The following MCPH1 variants were observed in gnomAD, a reference collection of about 807,000 sequenced individuals.
MCPH1 encodes microcephalin 1, also known as microcephalin.
MCPH1 carries 104 observed loss-of-function variants against 84.5 expected under a neutral mutation model. The observed-to-expected ratio is 1.23, with a 90% confidence interval of 1.05 to 1.45. The LOEUF (loss-of-function observed/expected upper bound fraction) is 1.45, where lower values mean the gene tolerates loss of function less well. Ranked by LOEUF, MCPH1 falls within the 40% of genes most tolerant of loss-of-function variation. MCPH1 has a pLI of 0.00. For synonymous variants in MCPH1, 514 were observed against 366.8 expected, an observed-to-expected ratio of 1.40 and a Z score of -4.58; for missense variants, 1,498 against 1,005.7, an observed-to-expected ratio of 1.49 and a Z score of -6.62.
intron 12 of MCPH1, among the ~76,000 whole-genome samples, chr8:6,528,919 C>G (rs137939903): frequency 2.0e-5 from 3 of 152,160 alleles, no homozygotes; most frequent in Admixed American, 1.3e-4. Flanking sequence ...CCTTGGCCAA[C>G]GTAAGGTTTT....
chr8:6,615,818 A>G (rs964298688), intron 12 of MCPH1: 3 of 152,178 alleles, frequency 2.0e-5, no homozygotes, highest in Non-Finnish European at 2.9e-5. Context: ...AGTCTATTTA[A>G]AAGAGACAGT....
At chr8:6,641,435 G>C (rs889365210) in intron 13 of MCPH1, among the ~76,000 whole-genome samples, 12 of 152,170 alleles carry the variant, frequency 7.9e-5, no homozygotes, top group African/African-American at 2.9e-4. Flanking sequence ...CTTATACATG[G>C]CAAAAGTTTG....
rs538426694 is a variant in MCPH1, at chr8:6,605,280, C to G, written c.2215-16174C>G. The stretch of plus-strand genomic sequence containing the variant: ...TCCTTCCTGAGAGCTTGTCACTGCC[C>G]TTTCTCTCCTCCCTGCCTGTACTCC... On this transcript the variant is annotated intron_variant, in intron 12 of 13. Coordinates refer to ENST00000344683, the MANE Select transcript of MCPH1 (RefSeq NM_024596.5). 5.3e-5 allele frequency among the ~76,000 whole-genome samples: 8 copies of G among 152,280 alleles called. No homozygotes were observed. In the East Asian group the frequency reaches 1.2e-3, roughly 22 times the overall value.
At chr8:6,625,402 T>C in intron 13 of MCPH1, 2 of 985,432 alleles carry the variant, frequency 2.0e-6, no homozygotes, top group South Asian at 4.7e-5. Flanking sequence ...AGACTTTTTT[T>C]CCTCCCGTTC....
chr8:6,639,824 G>C (rs1219508294), intron 13 of MCPH1, among the ~76,000 whole-genome samples: 3 of 151,950 alleles, frequency 2.0e-5, no homozygotes, highest in Admixed American at 1.3e-4. Flanking sequence ...CACATATACA[G>C]CTACTTCATT....
chr8:6,491,471 A>G (rs1383890432), intron 11 of MCPH1, among the ~76,000 whole-genome samples: 2 of 142,910 alleles, frequency 1.4e-5, no homozygotes, highest in South Asian at 2.2e-4. Context: ...TTTTTTTTCT[A>G]GTATTCTTTT....
At chr8:6,543,423 AAC>A (rs1821963354) in intron 12 of MCPH1, among the ~76,000 whole-genome samples, 1 of 152,048 alleles carries the variant, frequency 6.6e-6, no homozygotes, top group Non-Finnish European at 1.5e-5. Context: ...AATGGATGCA[AAC>A]ACACATTTCC....
At chr8:6,628,944 C>A (rs1796963218) in intron 13 of MCPH1, among the ~76,000 whole-genome samples, 1 of 152,138 alleles carries the variant, frequency 6.6e-6, no homozygotes, top group Non-Finnish European at 1.5e-5. Context: ...ACTTGTGTTT[C>A]TTTTTGTTGT....
chr8:6,418,618 C>G (rs952537984), intron 3 of MCPH1, among the ~76,000 whole-genome samples: 1 of 152,050 alleles, frequency 6.6e-6, no homozygotes, highest in Non-Finnish European at 1.5e-5. Flanking sequence ...GAGTCTCGCT[C>G]TGTCGCCAGG....
At chr8:6,437,175 A>G (rs938947615) in intron 5 of MCPH1, among the ~76,000 whole-genome samples, 1 of 152,122 alleles carries the variant, frequency 6.6e-6, no homozygotes, top group East Asian at 1.9e-4. Context: ...CTATGTTACT[A>G]TGTCACAGAT....
chr8:6,519,144 C>A (rs912690796), intron 12 of MCPH1, among the ~76,000 whole-genome samples: 1 of 152,194 alleles, frequency 6.6e-6, no homozygotes, highest in Non-Finnish European at 1.5e-5. Flanking sequence ...TGTTTCGAGT[C>A]TTCCAGACTG....
intron 11 of MCPH1, among the ~76,000 whole-genome samples, chr8:6,499,473 C>G (rs1811727828): frequency 6.6e-6 from 1 of 152,074 alleles, no homozygotes; most frequent in African/African-American, 2.4e-5. Flanking sequence ...TTTTAATTCA[C>G]TGTTTTAATT....
intron 9 of MCPH1, among the ~76,000 whole-genome samples, chr8:6,455,679 C>G (rs1188682071): frequency 1.3e-5 from 2 of 152,206 alleles, no homozygotes; most frequent in African/African-American, 4.8e-5. Flanking sequence ...CTCAGGTACA[C>G]CCTTCCCTTT....
rs974250124 is a variant in MCPH1, at chr8:6,644,665, G to A, written c.*1616G>A. On this transcript the variant is annotated 3_prime_UTR_variant, in exon 14 of 14. Coordinates refer to ENST00000344683, the MANE Select transcript of MCPH1 (RefSeq NM_024596.5). ...GATCTCTACAAGGAGAACCATAAAC[G>A]AGATGCTGAGTCCCAGCGAGGTCGG... The A allele has an allele frequency of 3.9e-5, 6 of 152,140 alleles. No individual in the cohort carries two copies. Among genetic ancestry groups the A allele is most frequent in the African/African-American group, 1.4e-4 (6 of 41,430 alleles). The allele number at this position is 152,140 out of a possible 1,614,324, so 9.4% of individuals were successfully genotyped here. A position where few individuals can be genotyped will look rare whatever the true frequency, so the allele number is the denominator to read the frequency against.
chr8:6,625,302 G>A (rs143991089), intron 13 of MCPH1: 16 of 985,466 alleles, frequency 1.6e-5, no homozygotes, highest in African/African-American at 3.5e-5. Flanking sequence ...TGTGGCAGGC[G>A]TAGGCTTCTT....
At chr8:6,535,000 A>T (rs1820234177) in intron 12 of MCPH1, among the ~76,000 whole-genome samples, 1 of 152,210 alleles carries the variant, frequency 6.6e-6, no homozygotes, top group African/African-American at 2.4e-5. Context: ...CACCCCAGCC[A>T]AGATAATATT....
intron 12 of MCPH1, among the ~76,000 whole-genome samples, chr8:6,544,336 T>C (rs1307293585): frequency 6.6e-6 from 1 of 152,122 alleles, no homozygotes; most frequent in African/African-American, 2.4e-5. Context: ...CTGTGTTCCG[T>C]GATGATTATA....
Position 6,557,688 on chromosome 8 carries a change from TACACACAC to T in MCPH1, c.2214+57779_2214+57786del, listed in dbSNP as rs112788253. 8.9e-4 allele frequency among the ~76,000 whole-genome samples: 133 copies of T among 148,794 alleles called. 1 individual carries two copies. The highest frequency in any genetic ancestry group is 3.2e-3 in the African/African-American group (128 of 40,626). Reference sequence around the variant, plus strand: ...ATTTAATATGATATATATGTGTGTGTACACACACACACACACACACACACACATACATA... The same window carrying T: ...ATTTAATATGATATATATGTGTGTGTACACACACACACACACACATACATA... On this transcript the variant is annotated intron_variant, in intron 12 of 13. Transcript: ENST00000344683.
chr8:6,433,856 C>G (rs944931835), intron 4 of MCPH1, among the ~76,000 whole-genome samples: 33 of 152,098 alleles, frequency 2.2e-4, no homozygotes, highest in African/African-American at 7.5e-4. Flanking sequence ...TGAGATGGTT[C>G]TGTGCCTCTG....
Sources: allele counts gnomAD v4.1 joint callset (sites outside exome capture counted in the v4.1 genomes callset), GRCh38; gene constraint gnomAD v4.1.1; transcripts MANE v1.5; gene names NCBI Gene and HGNC (gene_info 2026-07-23, HGNC 2026-07-21).